Variants in VAV1 observed in about 807,000 individuals in gnomAD.
VAV1 encodes the protein vav guanine nucleotide exchange factor 1.
Under a neutral mutation model 128.1 loss-of-function variants are expected in VAV1, and 33 were observed. That is an observed-to-expected ratio of 0.26 (90% confidence interval 0.20 to 0.34). VAV1 has a LOEUF of 0.34. VAV1 is among the 10% of genes least tolerant of loss of function. The pLI is 1.00. For missense variants in VAV1, 715 were observed against 1,093.7 expected (o/e 0.65, Z 4.88); for synonymous variants, 394 against 409.8 (o/e 0.96, Z 0.47).
chr19:6,832,652 C>A (rs1427397406), intron 15 of VAV1, among the ~76,000 whole-genome samples: 3 of 137,854 alleles, frequency 2.2e-5, no homozygotes, highest in Non-Finnish European at 4.5e-5. Context: ...TCCTCCCCTT[C>A]TTCCTCCTCC....
At chr19:6,830,007 A>G (rs1972017240) in intron 14 of VAV1, 89 bp downstream of exon 14, 1 of 1,585,510 alleles carries the variant, frequency 6.3e-7, no homozygotes, top group African/African-American at 1.3e-5. Context: ...TTGCCAGACT[A>G]CATCTACATG....
intron 1 of VAV1, among the ~76,000 whole-genome samples, chr19:6,800,952 TG>T: frequency 6.6e-6 from 1 of 152,314 alleles, no homozygotes; most frequent in Middle Eastern, 3.4e-3. Flanking sequence ...GTCGCCTGCA[TG>T]GCACCATTCT....
chr19:6,833,330 A>G, intron 16 of VAV1, 45 bp downstream of exon 16: 2 of 1,565,818 alleles, frequency 1.3e-6, no homozygotes, highest in Non-Finnish European at 1.7e-6. Context: ...CTTGGTCATC[A>G]GTTCCTTGCT....
intron 21 of VAV1, among the ~76,000 whole-genome samples, chr19:6,838,397 A>G (rs903496940): frequency 0.028 from 362 of 12,950 alleles, 3 homozygotes; most frequent in African/African-American, 0.039. Flanking sequence ...TCTTCTATCC[A>G]TCCATCCATC....
chr19:6,795,676 CTTGTTTGT>C (rs540873430), intron 1 of VAV1, among the ~76,000 whole-genome samples: 3 of 151,646 alleles, frequency 2.0e-5, no homozygotes, highest in East Asian at 1.9e-4. Context: ...ACTCTTTTTG[CTTGTTTGT>C]TTGTTTGTTT....
chr19:6,854,902 C>G (rs771365045), intron 26 of VAV1, among the ~76,000 whole-genome samples: 12 of 152,238 alleles, frequency 7.9e-5, no homozygotes, highest in Admixed American at 3.9e-4. Context: ...GCATTCCAGA[C>G]AGAAGGACCA....
chr19:6,783,699 C>G (rs1035647783), intron 1 of VAV1, among the ~76,000 whole-genome samples: 1 of 151,978 alleles, frequency 6.6e-6, no homozygotes, highest in Non-Finnish European at 1.5e-5. Context: ...AACTCCTGAC[C>G]TCGGGTGATC....
chr19:6,817,111 A>G (rs541248828), intron 1 of VAV1, among the ~76,000 whole-genome samples: 3 of 149,370 alleles, frequency 2.0e-5, no homozygotes, highest in East Asian at 4.0e-4. Flanking sequence ...TGCAGTGGGG[A>G]TATCTCAGCT....
intron 1 of VAV1, among the ~76,000 whole-genome samples, chr19:6,803,652 C>T (rs113415228): frequency 8.3e-4 from 126 of 152,078 alleles, no homozygotes; most frequent in African/African-American, 2.9e-3. Flanking sequence ...GCAACCTCTG[C>T]TTCCCAGGTC....
intron 6 of VAV1, 60 bp from the exon 7 acceptor site, chr19:6,824,992 CT>C (rs2030977710): frequency 6.4e-7 from 1 of 1,554,182 alleles, no homozygotes; most frequent in Admixed American, 1.7e-5. Flanking sequence ...CCCTGTCTCT[CT>C]GAGACTGGTC....
At chr19:6,855,394 A>G (rs911735590) in intron 26 of VAV1, among the ~76,000 whole-genome samples, 1 of 152,014 alleles carries the variant, frequency 6.6e-6, no homozygotes, top group Non-Finnish European at 1.5e-5. Context: ...CCATCCATCC[A>G]TCCATCTATC....
Position 6,828,063 on chromosome 19 carries a change from T to A in VAV1, c.928-13T>A. 3 of 1,613,742 alleles carry A rather than the reference T, an allele frequency of 1.9e-6. No homozygotes were observed. The highest frequency in any genetic ancestry group is 2.5e-6 in the Non-Finnish European group (3 of 1,179,704). On this transcript the variant is annotated splice_polypyrimidine_tract_variant and intron_variant, in intron 9 of 26. Coordinates refer to ENST00000602142, the MANE Select transcript of VAV1 (RefSeq NM_005428.4). This position sits in a 1 kb window ranked among gnomAD's most constrained non-coding sequence, Gnocchi z 4.5. ...ACCTGCCTCAGTTTCCCCATTGTTC[T>A]CTGATTCCCCAGGAATGTTCTCAGA...
At chr19:6,801,772 C>T (rs527830621) in intron 1 of VAV1, among the ~76,000 whole-genome samples, 4 of 152,318 alleles carry the variant, frequency 2.6e-5, no homozygotes, top group African/African-American at 9.6e-5. Context: ...CCAGAGGCCT[C>T]TGTCCCTGCA....
At chr19:6,811,463 T>C (rs1283207647) in intron 1 of VAV1, among the ~76,000 whole-genome samples, 2 of 152,162 alleles carry the variant, frequency 1.3e-5, no homozygotes, top group African/African-American at 2.4e-5. Context: ...GCGTCTTCGT[T>C]GTCAGGCCTG....
chr19:6,790,670 G>C (rs1892987302), intron 1 of VAV1, among the ~76,000 whole-genome samples: 1 of 152,234 alleles, frequency 6.6e-6, no homozygotes, highest in Non-Finnish European at 1.5e-5. Context: ...CAGAGCAGCA[G>C]CAGAGGTACT....
At chr19:6,803,145 A>C (rs1292289166) in intron 1 of VAV1, among the ~76,000 whole-genome samples, 2 of 152,102 alleles carry the variant, frequency 1.3e-5, no homozygotes, top group Non-Finnish European at 2.9e-5. Context: ...GAGGTGTTAG[A>C]CAGTAGCTTT....
intron 1 of VAV1, among the ~76,000 whole-genome samples, chr19:6,782,062 G>A (rs890456483): frequency 3.3e-5 from 5 of 152,122 alleles, no homozygotes; most frequent in Non-Finnish European, 7.3e-5. Context: ...CCGTGCACAT[G>A]GCTCACTCTT....
intron 1 of VAV1, among the ~76,000 whole-genome samples, chr19:6,809,657 T>C (rs1489421868): frequency 3.3e-5 from 5 of 151,876 alleles, no homozygotes; most frequent in African/African-American, 1.2e-4. Context: ...CAAGAGGAGA[T>C]TGACATGGTT....
At chr19:6,799,111 T>C (rs1971206145) in intron 1 of VAV1, among the ~76,000 whole-genome samples, 1 of 152,166 alleles carries the variant, frequency 6.6e-6, no homozygotes, top group Admixed American at 6.6e-5. Flanking sequence ...CATTCTGTTG[T>C]ACGGATGCAC....
Sources: gnomAD v4.1 joint callset for allele counts (sites outside exome capture counted in the v4.1 genomes callset) on GRCh38, gnomAD v4.1.1 for gene constraint, Gnocchi (gnomAD v3.1) non-coding constraint, MANE v1.5 for transcripts, NCBI Gene and HGNC (gene_info 2026-07-23, HGNC 2026-07-21) for gene names.